ZSCAN5A: variants seen among roughly 807,000 people sequenced by gnomAD.
The protein encoded by ZSCAN5A is zinc finger and SCAN domain-containing protein 5A.
A neutral mutation model predicts 23.7 loss-of-function variants in ZSCAN5A; 12 were observed. The observed-to-expected ratio is 0.51, with a 90% CI of 0.32 to 0.82. The LOEUF is 0.82. Among genes scored for constraint, ZSCAN5A ranks in the 40% least tolerant of loss-of-function variants. The pLI is 0.03. For synonymous variants in ZSCAN5A, 257 were observed against 239.9 expected, an observed-to-expected ratio of 1.07 and a Z score of -0.66; for missense variants, 597 against 617.9, an observed-to-expected ratio of 0.97 and a Z score of 0.36.
intron 2 of ZSCAN5A, chr19:56,246,496 T>A (rs140359800): frequency 4.6e-5 from 30 of 646,398 alleles, no homozygotes; most frequent in African/African-American, 4.2e-4. Context: ...TCCACAGGGG[T>A]TAGCCCCTCT....
chr19:56,354,853 C>T lies in ZSCAN5A; in HGVS notation c.-358+8382G>A, dbSNP rs149844558. On this transcript the variant is annotated intron_variant, in intron 2 of 6. Transcript: ENST00000587340. Reference sequence around the variant, plus strand: ...GTGTTTTAGGGACAGAGTTAAAATGCGATTCCCTAAACTATGCATATTAGA... The same window carrying T: ...GTGTTTTAGGGACAGAGTTAAAATGTGATTCCCTAAACTATGCATATTAGA... 2.4e-4 allele frequency among the ~76,000 whole-genome samples: 36 copies of T among 152,270 alleles called. No homozygotes were observed. In the East Asian group the frequency reaches 6.6e-3, roughly 28 times the overall value.
At chr19:56,297,585 G>C (rs1160598495) in intron 2 of ZSCAN5A, 1 of 939,524 alleles carries the variant, frequency 1.1e-6, no homozygotes, top group Non-Finnish European at 1.3e-6. Flanking sequence ...TGTCCCTTCT[G>C]TCTGGGCTAT....
At chr19:56,223,228 G>C (rs370737974) in intron 4 of ZSCAN5A, among the ~76,000 whole-genome samples, 1 of 152,090 alleles carries the variant, frequency 6.6e-6, no homozygotes, top group Non-Finnish European at 1.5e-5. Context: ...CCATGTGTCC[G>C]GAAAGGCAGA....
At chr19:56,363,292 A>G (rs2041745861) in exon 2 of ZSCAN5A, 1 of 152,100 alleles carries the variant, frequency 6.6e-6, no homozygotes, top group Admixed American at 6.6e-5. Context: ...TCCTCTTCCT[A>G]CTTCTCTTTT....
At chr19:56,315,085 G>C (rs1418215714), upstream of ZSCAN5A, 2 of 152,120 alleles carry the variant, frequency 1.3e-5, no homozygotes, top group African/African-American at 4.8e-5. Flanking sequence ...TGCTCTTGTC[G>C]CTCTGAACCT....
intron 2 of ZSCAN5A, among the ~76,000 whole-genome samples, chr19:56,336,555 T>C (rs989285160): frequency 6.6e-6 from 1 of 152,214 alleles, no homozygotes; most frequent in Non-Finnish European, 1.5e-5. Context: ...TGGAGTAGTT[T>C]GATCTTCTGA....
intron 2 of ZSCAN5A, chr19:56,320,376 A>G (rs1276356817): frequency 2.9e-6 from 1 of 341,582 alleles, no homozygotes; most frequent in East Asian, 7.4e-5. Context: ...AAAATACAAA[A>G]TTAGCCAGGC....
intron 2 of ZSCAN5A, among the ~76,000 whole-genome samples, chr19:56,264,152 C>G (rs746906942): frequency 1.3e-5 from 2 of 152,044 alleles, no homozygotes; most frequent in Non-Finnish European, 2.9e-5. Context: ...CGCCACCTCA[C>G]CCAGCTTAAT....
chr19:56,248,141 T>C (rs931777955), intron 2 of ZSCAN5A, among the ~76,000 whole-genome samples: 3 of 127,718 alleles, frequency 2.3e-5, no homozygotes, highest in Non-Finnish European at 5.1e-5. Context: ...CCTGGGGAAA[T>C]CTGTGTTTCA....
intron 2 of ZSCAN5A, among the ~76,000 whole-genome samples, chr19:56,232,007 A>ATTTTTT: frequency 9.2e-5 from 1 of 10,894 alleles, no homozygotes; most frequent in East Asian, 1.9e-3. Context: ...TTTTTTTTTG[A>ATTTTTT]GACAGTGTCT....
Position 56,243,904 on chromosome 19 carries a change from A to G in ZSCAN5A, c.-127-18731T>C, listed in dbSNP as rs7260492. 3,086 of 507,536 alleles carry G rather than the reference A, an allele frequency of 6.1e-3. 84 individuals are homozygous for G. The highest frequency in any genetic ancestry group is 0.055 in the African/African-American group (2,836 of 51,998). 31.4% of individuals were successfully genotyped at this position (507,536 alleles called of 1,614,324 possible). ...TAGACTAGAAACTTTGATCGGGCTCATGTTTTTTTTTGCAGACTTCTGAAC... is the reference window on the plus strand; with the variant it reads ...TAGACTAGAAACTTTGATCGGGCTCGTGTTTTTTTTTGCAGACTTCTGAAC... On this transcript the variant is annotated intron_variant, in intron 2 of 5. Coordinates refer to ENST00000683990, the MANE Select transcript of ZSCAN5A (RefSeq NM_001322064.3).
Position 56,284,580 on chromosome 19 carries a change from T to C in ZSCAN5A, c.-128+28703A>G, listed in dbSNP as rs558459140. 3.4e-4 allele frequency among the ~76,000 whole-genome samples: 49 copies of C among 145,142 alleles called. No individual in the cohort carries two copies. The South Asian group carries it at 4.0e-3, about 12-fold the overall frequency. ...CTCAGGCTGGAGTGCAGTGGCACAA[T>C]TGTAGGTCACTGCAGCCTCTGCCTC... On this transcript the variant is annotated intron_variant, in intron 2 of 5. Coordinates refer to ENST00000683990, the MANE Select transcript of ZSCAN5A (RefSeq NM_001322064.3).
In ZSCAN5A at chr19:56,274,819, T is replaced by C. The variant is rs187345357; in HGVS notation, c.-128+38464A>G. 2.0e-4 allele frequency: 30 copies of C among 152,310 alleles called. No individual in the cohort carries two copies. In the East Asian group the frequency reaches 3.7e-3, roughly 19 times the overall value. 9.4% of individuals were successfully genotyped at this position (152,310 alleles called of 1,614,324 possible). ...AGAAAATCCAGCTCTTGCTCAACCATGTTGCATTTTGTTATCCCATCTCCT... is the reference window on the plus strand; with the variant it reads ...AGAAAATCCAGCTCTTGCTCAACCACGTTGCATTTTGTTATCCCATCTCCT... On this transcript the variant is annotated intron_variant, in intron 2 of 5. Transcript: ENST00000683990.
intron 2 of ZSCAN5A, chr19:56,272,818 C>T (rs1262903816): frequency 1.0e-6 from 1 of 976,086 alleles, no homozygotes; most frequent in Non-Finnish European, 1.2e-6. Flanking sequence ...ACATTCAGCC[C>T]AAATCCCAGC....
chr19:56,225,962 A>G (rs538988103), intron 2 of ZSCAN5A, among the ~76,000 whole-genome samples: 2 of 146,956 alleles, frequency 1.4e-5, no homozygotes, highest in Non-Finnish European at 3.0e-5. Context: ...GTGCTCTTTG[A>G]TATTTTAAAG....
Position 56,222,069 on chromosome 19 carries a change from T to C in ZSCAN5A, c.997A>G (p.Ile333Val), listed in dbSNP as rs1254701329. 2.5e-5 allele frequency: 41 copies of C among 1,613,950 alleles called. No individual in the cohort carries two copies. The highest frequency in any genetic ancestry group is 5.5e-5 in the South Asian group (5 of 91,086). Residue 333 changes from isoleucine (I) to valine (V), a missense_variant, in exon 6 of 6, where the codon ATT becomes GTT. Transcript: ENST00000683990. The part of the protein sequence containing the change: ...ESPGQAGMNS[I>V]HSPGPASPVS... ...GGGCTCGCAGGGCCTGGGGAATGAATTGAATTCATCCCAGCTTGTCCCGGG... is the reference window on the plus strand; with the variant it reads ...GGGCTCGCAGGGCCTGGGGAATGAACTGAATTCATCCCAGCTTGTCCCGGG...
intron 2 of ZSCAN5A, among the ~76,000 whole-genome samples, chr19:56,248,027 T>C (rs2036073301): frequency 6.6e-6 from 1 of 152,130 alleles, no homozygotes; most frequent in Admixed American, 6.5e-5. Context: ...TAGTTTTCAG[T>C]ATTTTATAAC....
upstream of ZSCAN5A, chr19:56,317,535 C>G (rs148686358): frequency 5.6e-3 from 848 of 152,370 alleles, 5 homozygotes; most frequent in Middle Eastern, 0.014. Flanking sequence ...CTGTCCCCAG[C>G]CAGATTCCAC....
At chr19:56,284,918 T>C (rs1438552206) in intron 2 of ZSCAN5A, 2 of 708,560 alleles carry the variant, frequency 2.8e-6, no homozygotes, top group African/African-American at 1.9e-5. Flanking sequence ...GTTACATCTG[T>C]TGAACTGGGA....
Sources: allele counts gnomAD v4.1 joint callset (sites outside exome capture counted in the v4.1 genomes callset), GRCh38; gene constraint gnomAD v4.1.1; transcripts MANE v1.5; gene names NCBI Gene and HGNC (gene_info 2026-07-23, HGNC 2026-07-21).